Variants in TRIO observed in about 807,000 individuals in gnomAD.
TRIO encodes the protein trio Rho guanine nucleotide exchange factor.
In TRIO, 58 loss-of-function variants were observed where a neutral mutation model predicts 351.9. That is an observed-to-expected ratio of 0.16 (90% CI 0.13 to 0.21). The LOEUF is 0.21. Ranked by LOEUF, TRIO falls within the 10% of genes least tolerant of loss-of-function variation. The pLI is 1.00. For synonymous variants in TRIO, 1,758 were observed against 1,595.7 expected (o/e 1.10, Z -2.42); for missense variants, 3,201 against 4,027.8 (o/e 0.79, Z 5.56).
chr5:14,490,903 A>G, intron 48 of TRIO: 2 of 454,830 alleles, frequency 4.4e-6, no homozygotes, highest in East Asian at 7.0e-5. Flanking sequence ...TCAGAATACT[A>G]AAGTCCATGC....
At chr5:14,369,296 G>C (rs768540746) in intron 17 of TRIO, 78 bp from the exon 18 acceptor site, 9 of 1,509,914 alleles carry the variant, frequency 6.0e-6, no homozygotes, top group Non-Finnish European at 8.0e-6. Flanking sequence ...CCCAGAGCCC[G>C]ACTGAAAGGG....
chr5:14,396,692 A>C (rs1384734069), intron 28 of TRIO, among the ~76,000 whole-genome samples: 7 of 149,726 alleles, frequency 4.7e-5, no homozygotes, highest in Non-Finnish European at 1.0e-4. Flanking sequence ...CTGGTCTCGA[A>C]CTCCTGACCT....
chr5:14,243,541 G>C (rs545251699), intron 1 of TRIO, among the ~76,000 whole-genome samples: 1 of 152,170 alleles, frequency 6.6e-6, no homozygotes, highest in Admixed American at 6.5e-5. Context: ...AAAGGTGTAT[G>C]TCAAATAGAG....
rs917562412 is a variant in TRIO at position 14,232,959 on chromosome 5, T to C, written c.158-37866T>C. On this transcript the variant is annotated intron_variant, in intron 1 of 56. Transcript: ENST00000344204. ...TGGGAATACATGTAACTAAACAAGC[T>C]CCATGGCCACAGTGGAACCAGACTG... 2.0e-5 allele frequency among the ~76,000 whole-genome samples: 3 copies of C among 152,108 alleles called. No individual in the cohort carries two copies. In the South Asian group the frequency reaches 6.2e-4, roughly 32 times the overall value.
intron 27 of TRIO, among the ~76,000 whole-genome samples, chr5:14,392,319 A>G (rs1231150106): frequency 6.6e-6 from 1 of 152,250 alleles, no homozygotes; most frequent in African/African-American, 2.4e-5. Context: ...TGCAGCCAAC[A>G]AACATATGAA....
intron 23 of TRIO, among the ~76,000 whole-genome samples, chr5:14,388,405 C>T (rs566923665): frequency 7.4e-4 from 113 of 152,302 alleles, no homozygotes; most frequent in South Asian, 5.0e-3. Context: ...CCTGATCTGT[C>T]GGTACCTCAG....
intron 1 of TRIO, among the ~76,000 whole-genome samples, chr5:14,253,211 C>G (rs1794841375): frequency 6.6e-6 from 1 of 152,146 alleles, no homozygotes; most frequent in African/African-American, 2.4e-5. Flanking sequence ...ATAGAAAAAT[C>G]TTTTAAGAAA....
intron 1 of TRIO, among the ~76,000 whole-genome samples, chr5:14,161,169 T>G (rs1788428817): frequency 6.6e-6 from 1 of 152,156 alleles, no homozygotes; most frequent in Non-Finnish European, 1.5e-5. Flanking sequence ...CCTCCCAAAG[T>G]GCTGGGATTA....
chr5:14,222,868 G>C (rs1792736779), intron 1 of TRIO, among the ~76,000 whole-genome samples: 1 of 152,224 alleles, frequency 6.6e-6, no homozygotes, highest in African/African-American at 2.4e-5. Flanking sequence ...AGGGCAGCAC[G>C]AGGCTGCCGT....
At chr5:14,294,393 G>A (rs925249375) in intron 6 of TRIO, among the ~76,000 whole-genome samples, 4 of 152,156 alleles carry the variant, frequency 2.6e-5, no homozygotes, top group South Asian at 2.1e-4. Context: ...TTTCTGGTTC[G>A]AATCGTCAAA....
chr5:14,401,206 C>A, intron 31 of TRIO, 142 bp downstream of exon 31: 3 of 641,692 alleles, frequency 4.7e-6, no homozygotes, highest in Non-Finnish European at 7.6e-6. Flanking sequence ...GTGACTACCA[C>A]AAAAAGAATA....
At chr5:14,165,160 C>T (rs1469658232) in intron 1 of TRIO, among the ~76,000 whole-genome samples, 3 of 152,126 alleles carry the variant, frequency 2.0e-5, no homozygotes, top group South Asian at 2.1e-4. Flanking sequence ...AGGGGATATA[C>T]GAGCAGATTT....
chr5:14,388,278 G>A (rs543025932), intron 23 of TRIO, among the ~76,000 whole-genome samples: 140 of 152,290 alleles, frequency 9.2e-4, no homozygotes, highest in African/African-American at 3.2e-3. Context: ...ACAGTGGGGA[G>A]GGGGAGGGAG....
At chr5:14,311,296 T>C (rs1738907527) in intron 8 of TRIO, among the ~76,000 whole-genome samples, 1 of 152,216 alleles carries the variant, frequency 6.6e-6, no homozygotes. Context: ...TAATCCCAGG[T>C]TTACAGGTGT....
At chr5:14,379,072 C>T (rs578123193) in intron 20 of TRIO, among the ~76,000 whole-genome samples, 7 of 152,236 alleles carry the variant, frequency 4.6e-5, no homozygotes, top group South Asian at 4.1e-4. Flanking sequence ...CTTAAGAATC[C>T]GTAAACTTTC....
At position 14,472,607 on chromosome 5, in the gene TRIO, A is replaced by G; in HGVS notation, c.5928A>G (p.Glu1976=). The part of the protein sequence containing the change: ...SLKRRHYVLQ[E]LVETERDYVR... ...TTCTCTCCAGCTACGTTTTGCAAGA[A>G]CTAGTGGAGACAGAGCGTGACTATG... Residue 1976 remains glutamate, a synonymous_variant, in exon 39 of 57, where the codon GAA becomes GAG. Transcript: ENST00000344204. The G allele has an allele frequency of 6.2e-7, 1 of 1,614,110 alleles. No homozygotes were observed. Among genetic ancestry groups the G allele is most frequent in the Non-Finnish European group, 8.5e-7 (1 of 1,179,960 alleles).
At chr5:14,505,728 A>G (rs1408553966) in intron 55 of TRIO, among the ~76,000 whole-genome samples, 1 of 152,102 alleles carries the variant, frequency 6.6e-6, no homozygotes, top group Non-Finnish European at 1.5e-5. Context: ...CGGGCCGCCC[A>G]TGTGCCATGG....
chr5:14,396,564 G>GGTTCATGT (rs968261329), intron 28 of TRIO, among the ~76,000 whole-genome samples: 5 of 133,362 alleles, frequency 3.7e-5, no homozygotes, highest in African/African-American at 1.4e-4. Context: ...CCACCTCCCA[G>GGTTCATGT]GTTCATGTGA....
chr5:14,365,726 G>A (rs545325239), intron 15 of TRIO, among the ~76,000 whole-genome samples: 1 of 152,180 alleles, frequency 6.6e-6, no homozygotes, highest in Non-Finnish European at 1.5e-5. Flanking sequence ...GGTGTTTTCC[G>A]CATGTGACAA....
Sources: allele counts gnomAD v4.1 joint callset (sites outside exome capture counted in the v4.1 genomes callset), GRCh38; gene constraint gnomAD v4.1.1; transcripts MANE v1.5; gene names NCBI Gene and HGNC (gene_info 2026-07-23, HGNC 2026-07-21).